HIPK2: variants seen among roughly 807,000 people sequenced by gnomAD.
HIPK2 encodes homeodomain interacting protein kinase 2.
In HIPK2, 27 loss-of-function variants were observed where a neutral mutation model predicts 113.7. The observed-to-expected ratio is 0.24, with a 90% confidence interval of 0.17 to 0.33. The LOEUF is 0.33. HIPK2 is among the 10% of genes least tolerant of loss of function. HIPK2 has a pLI of 1.00. For synonymous variants in HIPK2, 631 were observed against 642.2 expected, an observed-to-expected ratio of 0.98 and a Z score of 0.26; for missense variants, 1,257 against 1,588.0, an observed-to-expected ratio of 0.79 and a Z score of 3.54.
intron 2 of HIPK2, among the ~76,000 whole-genome samples, chr7:139,666,868 G>A (rs1486776007): frequency 6.6e-6 from 1 of 152,140 alleles, no homozygotes; most frequent in African/African-American, 2.4e-5. Context: ...TTCTAGACCA[G>A]CCTGGCCAAA....
chr7:139,609,946 C>G (rs556895125), intron 9 of HIPK2, among the ~76,000 whole-genome samples: 3 of 152,184 alleles, frequency 2.0e-5, no homozygotes, highest in Admixed American at 2.0e-4. Context: ...CCCTTACTGA[C>G]GAACATTCAA....
intron 14 of HIPK2, among the ~76,000 whole-genome samples, chr7:139,573,869 T>G (rs1210297422): frequency 6.6e-6 from 1 of 151,798 alleles, no homozygotes; most frequent in African/African-American, 2.4e-5. Flanking sequence ...AAAAATTTAC[T>G]TGGACTGAGA....
rs1329381587 is a variant in HIPK2 at position 139,630,589 on chromosome 7, G to T, written c.1347+576C>A. Among the ~76,000 whole-genome samples, 1 of 152,146 alleles carries T rather than the reference G, an allele frequency of 6.6e-6. No homozygotes were observed. The highest frequency in any genetic ancestry group is 1.5e-5 in the Non-Finnish European group (1 of 68,024). ...ATTTTTATACTTTTAGTAGAGACGG[G>T]GTTTCACCATGTTGGCCAGGCTGGT... On this transcript the variant is annotated intron_variant, in intron 4 of 14. Transcript: ENST00000406875. The surrounding 1 kb of genome is among the most constrained non-coding windows in gnomAD (Gnocchi z 4.0).
In HIPK2 at chr7:139,759,423, C is replaced by T. The variant is rs2117137295; in HGVS notation, c.19+18182G>A. 2.0e-5 allele frequency among the ~76,000 whole-genome samples: 3 copies of T among 152,242 alleles called. No individual in the cohort carries two copies. The South Asian group carries it at 6.2e-4, about 32-fold the overall frequency. ...TGTATCTGTCCCTTGACTATATAAT[C>T]CCATTTCTAGGATTTCATTTCACAG... is the stretch of plus-strand genomic sequence containing the variant. On this transcript the variant is annotated intron_variant, in intron 1 of 14. Coordinates refer to ENST00000406875, the MANE Select transcript of HIPK2 (RefSeq NM_022740.5).
intron 12 of HIPK2, among the ~76,000 whole-genome samples, chr7:139,585,499 C>T (rs1022873360): frequency 3.9e-5 from 6 of 152,204 alleles, no homozygotes; most frequent in African/African-American, 9.6e-5. Context: ...GGTGCCTAAC[C>T]GTGTTCGTGG....
chr7:139,643,144 A>G (rs971603243), intron 2 of HIPK2, among the ~76,000 whole-genome samples: 1 of 152,196 alleles, frequency 6.6e-6, no homozygotes, highest in Admixed American at 6.5e-5. Flanking sequence ...ATCTTCAGCT[A>G]TCACCAATAC....
intron 2 of HIPK2, among the ~76,000 whole-genome samples, chr7:139,686,225 A>G (rs1285887719): frequency 1.3e-5 from 2 of 152,348 alleles, no homozygotes; most frequent in East Asian, 1.9e-4. Flanking sequence ...AGAGAACCAG[A>G]AAGAGAAGTG....
intron 12 of HIPK2, among the ~76,000 whole-genome samples, chr7:139,592,840 T>C (rs948569806): frequency 6.6e-6 from 1 of 152,258 alleles, no homozygotes. Flanking sequence ...TCTGTTTGTC[T>C]TATCTTTTGG....
At chr7:139,741,802 T>G (rs1028448711) in intron 1 of HIPK2, among the ~76,000 whole-genome samples, 9 of 152,236 alleles carry the variant, frequency 5.9e-5, no homozygotes, top group Non-Finnish European at 8.8e-5. Context: ...TTGTTGTTTG[T>G]AATATGGTTC....
At chr7:139,679,747 T>C (rs560968530) in intron 2 of HIPK2, among the ~76,000 whole-genome samples, 6 of 152,278 alleles carry the variant, frequency 3.9e-5, no homozygotes, top group African/African-American at 1.2e-4. Flanking sequence ...TTCTGCCTCC[T>C]TGTCAGCTCA....
intron 6 of HIPK2, among the ~76,000 whole-genome samples, chr7:139,623,042 G>A (rs1800291610): frequency 6.6e-6 from 1 of 152,148 alleles, no homozygotes; most frequent in South Asian, 2.1e-4. Flanking sequence ...TCTGTAGAGG[G>A]CACCCCTATC....
rs1344841081 is a variant in HIPK2, at chr7:139,681,333, G to A, written c.1103+34599C>T. Among the ~76,000 whole-genome samples, 7 of 152,242 alleles carry A rather than the reference G, an allele frequency of 4.6e-5. No homozygotes were observed. In the East Asian group the frequency reaches 1.4e-3, roughly 29 times the overall value. ...TGGCAGGAGAGAGGTGGGTGGGAGA[G>A]GAGGGAGGACACAGCCCACTTCTCA... On this transcript the variant is annotated intron_variant, in intron 2 of 14. Coordinates refer to ENST00000406875, the MANE Select transcript of HIPK2 (RefSeq NM_022740.5).
chr7:139,584,162 G>A, intron 12 of HIPK2, 98 bp from the exon 13 acceptor site: 5 of 1,482,760 alleles, frequency 3.4e-6, no homozygotes, highest in Non-Finnish European at 4.5e-6. Flanking sequence ...GGAGGCAGAG[G>A]GGAGAGGGCA....
At chr7:139,679,576 T>C (rs1476960987) in intron 2 of HIPK2, among the ~76,000 whole-genome samples, 2 of 152,126 alleles carry the variant, frequency 1.3e-5, no homozygotes, top group African/African-American at 4.8e-5. Flanking sequence ...AAATGTGCAA[T>C]ACCTGATGGG....
chr7:139,752,724 G>GAAAAAAAA (rs768536532), intron 1 of HIPK2, among the ~76,000 whole-genome samples: 1 of 104,694 alleles, frequency 9.6e-6, no homozygotes, highest in Admixed American at 1.0e-4. Flanking sequence ...TTTCACAGCT[G>GAAAAAAAA]AAAAAAAAAA....
At position 139,736,317 on chromosome 7, in the gene HIPK2, T is replaced by C. The variant is rs557136323; in HGVS notation, c.20-19302A>G. On this transcript the variant is annotated intron_variant, in intron 1 of 14. Coordinates refer to ENST00000406875, the MANE Select transcript of HIPK2 (RefSeq NM_022740.5). Reference sequence around the variant, plus strand: ...AGAATGAAGGGAAGGCTGGTCCCCTTTGGCGTCCTTGCTGACTTCAAGTGG... The same window carrying C: ...AGAATGAAGGGAAGGCTGGTCCCCTCTGGCGTCCTTGCTGACTTCAAGTGG... Among the ~76,000 whole-genome samples the C allele has an allele frequency of 5.3e-5, 8 of 152,320 alleles. No homozygotes were observed. In the East Asian group the frequency reaches 1.5e-3, roughly 29 times the overall value.
chr7:139,596,135 G>C (rs1799205172), intron 12 of HIPK2, among the ~76,000 whole-genome samples: 1 of 152,222 alleles, frequency 6.6e-6, no homozygotes, highest in African/African-American at 2.4e-5. Context: ...TCTGGCGCCA[G>C]GGTTAGTAGT....
At chr7:139,591,547 A>G (rs1236811498) in intron 12 of HIPK2, among the ~76,000 whole-genome samples, 1 of 152,190 alleles carries the variant, frequency 6.6e-6, no homozygotes, top group Non-Finnish European at 1.5e-5. Flanking sequence ...TATCAGTGAC[A>G]GCTTTGTAAT....
chr7:139,661,089 T>A (rs528555480), intron 2 of HIPK2, among the ~76,000 whole-genome samples: 1 of 152,098 alleles, frequency 6.6e-6, no homozygotes, highest in African/African-American at 2.4e-5. Context: ...TATTGCCAAT[T>A]TCCTTGGTAT....
Sources: gnomAD v4.1 joint callset for allele counts (sites outside exome capture counted in the v4.1 genomes callset) on GRCh38, gnomAD v4.1.1 for gene constraint, Gnocchi (gnomAD v3.1) non-coding constraint, MANE v1.5 for transcripts, NCBI Gene and HGNC (gene_info 2026-07-23, HGNC 2026-07-21) for gene names.